The following LYPLAL1 variants were observed in gnomAD, a reference collection of about 807,000 sequenced individuals.
LYPLAL1 encodes lysophospholipase like 1, also known as lysophospholipase-like protein 1.
In LYPLAL1, 23 loss-of-function variants were observed where a neutral mutation model predicts 19.7. That is an observed-to-expected ratio of 1.17 (90% CI 0.84 to 1.65). LYPLAL1 has a LOEUF of 1.65. LYPLAL1 is among the 40% of genes most tolerant of loss of function. LYPLAL1 has a pLI of 0.00. For missense variants in LYPLAL1, 355 were observed against 279.4 expected (o/e 1.27, Z -1.93); for synonymous variants, 119 against 96.3 (o/e 1.24, Z -1.38).
At chr1:219,316,953 G>A in the LYPLAL1 span, among the ~76,000 whole-genome samples, 1 of 152,128 alleles carries the variant, frequency 6.6e-6, no homozygotes, top group Non-Finnish European at 1.5e-5. Context: ...AAGGTGAAAA[G>A]TATTACGGAA....
At chr1:219,181,747 T>C (rs1336127995) in intron 2 of LYPLAL1, among the ~76,000 whole-genome samples, 1 of 152,158 alleles carries the variant, frequency 6.6e-6, no homozygotes, top group African/African-American at 2.4e-5. Context: ...AGAGAGATGA[T>C]ATCATACTTA....
At chr1:219,332,376 G>C in the LYPLAL1 span, among the ~76,000 whole-genome samples, 1 of 152,122 alleles carries the variant, frequency 6.6e-6, no homozygotes, top group African/African-American at 2.4e-5. Flanking sequence ...TGAGTGAAGA[G>C]ACCATCTTGC....
At chr1:219,180,311 C>A (rs116048031) in intron 2 of LYPLAL1, among the ~76,000 whole-genome samples, 59 of 152,290 alleles carry the variant, frequency 3.9e-4, no homozygotes, top group African/African-American at 1.2e-3. Flanking sequence ...TCTTATCAGG[C>A]ATACTATGCA....
chr1:219,346,858 C>A, the LYPLAL1 span, among the ~76,000 whole-genome samples: 1 of 152,168 alleles, frequency 6.6e-6, no homozygotes, highest in Non-Finnish European at 1.5e-5. Flanking sequence ...GCACGCCCTG[C>A]CTCTCTGAAA....
At chr1:219,269,501 A>T in the LYPLAL1 span, among the ~76,000 whole-genome samples, 1 of 152,236 alleles carries the variant, frequency 6.6e-6, no homozygotes, top group African/African-American at 2.4e-5. Flanking sequence ...GTAAATAGGC[A>T]GGGACCAAAA....
intron 4 of LYPLAL1, 146 bp downstream of exon 4, chr1:219,210,793 A>G (rs1470739361): frequency 1.6e-5 from 11 of 678,080 alleles, no homozygotes; most frequent in African/African-American, 3.6e-5. Flanking sequence ...TTCATGGCCA[A>G]ATGAGTCGTA....
At chr1:219,174,844 A>G in intron 1 of LYPLAL1, 1 of 966,400 alleles carries the variant, frequency 1.0e-6, no homozygotes, top group Non-Finnish European at 1.2e-6. Context: ...CTAAAGTTAA[A>G]AACAAAAACA....
At chr1:219,220,471 A>T in the LYPLAL1 span, among the ~76,000 whole-genome samples, 1 of 151,928 alleles carries the variant, frequency 6.6e-6, no homozygotes, top group Non-Finnish European at 1.5e-5. Flanking sequence ...GTAAAAGAGC[A>T]TCATCATGCC....
At chr1:219,211,183 A>G (rs568840768) in intron 4 of LYPLAL1, among the ~76,000 whole-genome samples, 3 of 152,196 alleles carry the variant, frequency 2.0e-5, no homozygotes, top group African/African-American at 7.2e-5. Flanking sequence ...CTCCTTCCAC[A>G]TTGTGTGAAG....
At chr1:219,390,197 C>G in the LYPLAL1 span, among the ~76,000 whole-genome samples, 1 of 152,106 alleles carries the variant, frequency 6.6e-6, no homozygotes, top group Non-Finnish European at 1.5e-5. Context: ...ATGAAGCCTC[C>G]AAATATGGCG....
chr1:219,249,751 T>C, the LYPLAL1 span, among the ~76,000 whole-genome samples: 3 of 152,178 alleles, frequency 2.0e-5, no homozygotes, highest in African/African-American at 7.2e-5. Flanking sequence ...GCTTTAGTGG[T>C]ATGCACTGTG....
At chr1:219,440,887 C>T in the LYPLAL1 span, among the ~76,000 whole-genome samples, 44 of 152,120 alleles carry the variant, frequency 2.9e-4, no homozygotes, top group African/African-American at 8.7e-4. Context: ...GCTGACTTCA[C>T]GAAAAAGGAG....
the LYPLAL1 span, among the ~76,000 whole-genome samples, chr1:219,263,681 C>T: frequency 6.6e-6 from 1 of 152,194 alleles, no homozygotes; most frequent in African/African-American, 2.4e-5. Flanking sequence ...TGGGCTTGAG[C>T]TGGGACCTGG....
chr1:219,403,132 G>T, the LYPLAL1 span, among the ~76,000 whole-genome samples: 1 of 152,220 alleles, frequency 6.6e-6, no homozygotes, highest in Non-Finnish European at 1.5e-5. Context: ...TAGTCAGAAA[G>T]ACCTGGAAAG....
At chr1:219,249,568 G>A in the LYPLAL1 span, among the ~76,000 whole-genome samples, 1 of 151,970 alleles carries the variant, frequency 6.6e-6, no homozygotes, top group African/African-American at 2.4e-5. Context: ...TGGATCATAG[G>A]TGATGCTAAT....
the LYPLAL1 span, among the ~76,000 whole-genome samples, chr1:219,398,311 G>A: frequency 6.6e-6 from 1 of 151,966 alleles, no homozygotes; most frequent in African/African-American, 2.4e-5. Context: ...CAGTCTTCAG[G>A]CTCTGAGATT....
the LYPLAL1 span, among the ~76,000 whole-genome samples, chr1:219,400,686 G>C: frequency 6.6e-6 from 1 of 151,988 alleles, no homozygotes; most frequent in Non-Finnish European, 1.5e-5. Flanking sequence ...GTACAGACAG[G>C]GTGGGGTTTC....
chr1:219,290,232 T>C, the LYPLAL1 span, among the ~76,000 whole-genome samples: 1 of 152,210 alleles, frequency 6.6e-6, no homozygotes, highest in Non-Finnish European at 1.5e-5. Flanking sequence ...TTAGGCATAG[T>C]TGGTTTCTCC....
rs192103381 is a variant in LYPLAL1 at position 219,205,708 on chromosome 1, C to T, written c.362-4824C>T. Among the ~76,000 whole-genome samples, 178 of 152,256 alleles carry T rather than the reference C, an allele frequency of 1.2e-3. 2 individuals carry two copies. The East Asian group carries it at 0.032, about 27-fold the overall frequency. ...AAGATGAAGTCTAGCATCAAAATTT[C>T]CAGCCTGCCTTTTTCTGAACTTGTA... On this transcript the variant is annotated intron_variant, in intron 3 of 4. Transcript: ENST00000366928.
Sources: gnomAD v4.1 joint callset for allele counts (sites outside exome capture counted in the v4.1 genomes callset) on GRCh38, gnomAD v4.1.1 for gene constraint, MANE v1.5 for transcripts, NCBI Gene and HGNC (gene_info 2026-07-23, HGNC 2026-07-21) for gene names.